The following DAB1 variants were observed in gnomAD, a reference collection of about 807,000 sequenced individuals.
DAB1 encodes the protein DAB adaptor protein 1, also known as disabled homolog 1.
A neutral mutation model predicts 64.6 loss-of-function variants in DAB1; 15 were observed. The observed-to-expected ratio is 0.23, with a 90% CI of 0.16 to 0.36. DAB1 has a LOEUF of 0.36. Among genes scored for constraint, DAB1 ranks in the 10% least tolerant of loss-of-function variants. The pLI is 1.00. For missense variants in DAB1, 596 were observed against 706.7 expected (o/e 0.84, Z 1.78); for synonymous variants, 235 against 251.9 (o/e 0.93, Z 0.64).
At chr1:57,717,111 C>T (rs570513200) in intron 6 of DAB1, among the ~76,000 whole-genome samples, 20 of 151,554 alleles carry the variant, frequency 1.3e-4, no homozygotes, top group Non-Finnish European at 2.5e-4. Flanking sequence ...TGGTGGTGGG[C>T]GCCTGTAATC....
intron 3 of DAB1, among the ~76,000 whole-genome samples, chr1:58,380,353 C>T (rs1264725342): frequency 2.0e-5 from 3 of 152,224 alleles, no homozygotes; most frequent in Non-Finnish European, 4.4e-5. Context: ...GCCTTGCTTT[C>T]CCATTCACCT....
chr1:57,008,993 C>A (rs1360933279), intron 14 of DAB1, among the ~76,000 whole-genome samples: 1 of 152,160 alleles, frequency 6.6e-6, no homozygotes, highest in Non-Finnish European at 1.5e-5. Flanking sequence ...GACCAAAGCC[C>A]CATGAAACAG....
intron 5 of DAB1, among the ~76,000 whole-genome samples, chr1:58,136,334 G>A (rs1653942767): frequency 6.6e-6 from 1 of 152,060 alleles, no homozygotes; most frequent in South Asian, 2.1e-4. Flanking sequence ...CTGGGACTGA[G>A]GTCTCTTCCT....
intron 3 of DAB1, among the ~76,000 whole-genome samples, chr1:58,396,022 A>T (rs1644518657): frequency 1.3e-5 from 2 of 151,772 alleles, no homozygotes; most frequent in Admixed American, 1.3e-4. Context: ...ATTGTTAGCC[A>T]GCCCCACAAC....
intron 4 of DAB1, among the ~76,000 whole-genome samples, chr1:57,127,015 AG>A (rs58030260): frequency 0.027 from 4,121 of 152,310 alleles, 201 homozygotes; most frequent in African/African-American, 0.094. Context: ...AGCACTTGAG[AG>A]GTTCACAAAG....
At chr1:57,884,337 G>A (rs973152120), upstream of DAB1, among the ~76,000 whole-genome samples, 10 of 152,292 alleles carry the variant, frequency 6.6e-5, no homozygotes, top group Non-Finnish European at 1.0e-4. Context: ...GCCACATGAC[G>A]TGTGCTGAGC....
At chr1:58,058,663 G>C (rs1000640496) in intron 5 of DAB1, among the ~76,000 whole-genome samples, 3 of 152,228 alleles carry the variant, frequency 2.0e-5, no homozygotes, top group Non-Finnish European at 4.4e-5. Flanking sequence ...CTGATGATGA[G>C]AGATGCGGGC....
intron 7 of DAB1, among the ~76,000 whole-genome samples, chr1:57,621,993 G>A (rs1189474944): frequency 1.3e-5 from 2 of 152,218 alleles, no homozygotes; most frequent in Admixed American, 1.3e-4. Context: ...GAGCAGTCCT[G>A]CAGTAGCTTA....
chr1:57,658,306 C>CTT lies in DAB1; in HGVS notation n.552-8643_552-8642dup, dbSNP rs1165560066. 5.5e-3 allele frequency among the ~76,000 whole-genome samples: 723 copies of CTT among 131,200 alleles called. 19 individuals carry two copies. Among genetic ancestry groups the CTT allele is most frequent in the African/African-American group, 0.016 (565 of 35,504 alleles). 86.1% of individuals were successfully genotyped at this position (131,200 alleles called of 152,430 possible). ...CTGCTCCTTGCTTTGCAATTTTGTT[C>CTT]TTTTTTTTTTTTTTTTTGAGATGGA... is the stretch of plus-strand genomic sequence containing the variant. On this transcript the variant is annotated intron_variant and non_coding_transcript_variant, in intron 6 of 20. Coordinates refer to the DAB1 transcript ENST00000485760.
chr1:57,986,857 C>G (rs1646231476), intron 5 of DAB1, among the ~76,000 whole-genome samples: 1 of 152,202 alleles, frequency 6.6e-6, no homozygotes, highest in African/African-American at 2.4e-5. Context: ...CTGTTTATTA[C>G]AGGCTGGACC....
chr1:58,498,758 T>A (rs1218828300), intron 3 of DAB1, among the ~76,000 whole-genome samples: 1 of 152,184 alleles, frequency 6.6e-6, no homozygotes, highest in Admixed American at 6.5e-5. Context: ...CTCAGAGATG[T>A]GTTCATTTTA....
At chr1:58,440,998 G>C (rs978247085) in intron 3 of DAB1, among the ~76,000 whole-genome samples, 1 of 152,142 alleles carries the variant, frequency 6.6e-6, no homozygotes, top group South Asian at 2.1e-4. Context: ...ACGTGCCTTG[G>C]AACTATCCCA....
chr1:57,778,024 T>C (rs1345425123), intron 6 of DAB1, among the ~76,000 whole-genome samples: 2 of 152,104 alleles, frequency 1.3e-5, no homozygotes, highest in Non-Finnish European at 2.9e-5. Flanking sequence ...AACCCAATCA[T>C]GGAGTCTTCA....
chr1:58,127,617 A>G (rs551615821), intron 5 of DAB1, among the ~76,000 whole-genome samples: 58 of 152,334 alleles, frequency 3.8e-4, no homozygotes, highest in Non-Finnish European at 6.2e-4. Context: ...TCTTTCATCC[A>G]TCTTGAACTG....
chr1:57,971,453 G>A (rs979359361), intron 5 of DAB1, among the ~76,000 whole-genome samples: 9 of 152,156 alleles, frequency 5.9e-5, no homozygotes, highest in African/African-American at 2.2e-4. Flanking sequence ...AAGGTACATG[G>A]TGTAGTGTGA....
intron 2 of DAB1, among the ~76,000 whole-genome samples, chr1:57,272,388 C>A (rs1002387579): frequency 1.3e-5 from 2 of 152,206 alleles, no homozygotes; most frequent in African/African-American, 4.8e-5. Context: ...CACAACATTG[C>A]ACATCCCACT....
At chr1:57,774,940 C>A (rs1051773761) in intron 6 of DAB1, among the ~76,000 whole-genome samples, 1 of 151,700 alleles carries the variant, frequency 6.6e-6, no homozygotes, top group Non-Finnish European at 1.5e-5. Flanking sequence ...AATTTAATAT[C>A]TTTAGTACAT....
intron 6 of DAB1, among the ~76,000 whole-genome samples, chr1:57,795,690 GAT>G (rs3081038): frequency 0.05 from 3,429 of 68,788 alleles, 66 homozygotes; most frequent in Admixed American, 0.061. Flanking sequence ...TATGCTTGGA[GAT>G]ATATATATAT....
chr1:58,057,444 G>C (rs1029373929), intron 5 of DAB1, among the ~76,000 whole-genome samples: 2 of 152,126 alleles, frequency 1.3e-5, no homozygotes, highest in Non-Finnish European at 2.9e-5. Context: ...TAGACCAATA[G>C]GGTCTAGACC....
Sources: gnomAD v4.1 joint callset for allele counts (sites outside exome capture counted in the v4.1 genomes callset) on GRCh38, gnomAD v4.1.1 for gene constraint, MANE v1.5 for transcripts, NCBI Gene and HGNC (gene_info 2026-07-23, HGNC 2026-07-21) for gene names.